Variants in ZNF90 observed in about 807,000 individuals in gnomAD.
ZNF90 encodes the protein zinc finger protein 90, also known as zinc finger protein HTF9.
ZNF90 carries 11 observed loss-of-function variants against 12.0 expected under a neutral mutation model. That is an observed-to-expected ratio of 0.92 (90% CI 0.58 to 1.52). ZNF90 has a LOEUF of 1.52. Among genes scored for constraint, ZNF90 ranks in the 40% most tolerant of loss-of-function variants. ZNF90 has a pLI of 0.00. For synonymous variants in ZNF90, 232 were observed against 240.1 expected (o/e 0.97, Z 0.31); for missense variants, 765 against 711.5 (o/e 1.08, Z -0.86).
Position 20,078,062 on chromosome 19 carries a change from C to T in ZNF90, c.-71C>T, listed in dbSNP as rs2088790526. On this transcript the variant is annotated 5_prime_UTR_variant, in exon 1 of 4. Coordinates refer to ENST00000418063, the MANE Select transcript of ZNF90 (RefSeq NM_007138.2). Reference sequence around the variant, plus strand: ...TCTTAGCTGCTTCGTGTCTTCTTCTCCAGCCTCTGTGGCCCTGTGACCTGC... The same window carrying T: ...TCTTAGCTGCTTCGTGTCTTCTTCTTCAGCCTCTGTGGCCCTGTGACCTGC... The T allele has an allele frequency of 6.2e-7, 1 of 1,607,464 alleles. No homozygotes were observed. The highest frequency in any genetic ancestry group is 8.5e-7 in the Non-Finnish European group (1 of 1,173,988).
Position 20,078,138 on chromosome 19 carries a change from G to C in ZNF90, c.3+3G>C. 6.2e-7 allele frequency: 1 copy of C among 1,614,172 alleles called. No individual in the cohort carries two copies. The highest frequency in any genetic ancestry group is 8.5e-7 in the Non-Finnish European group (1 of 1,180,032). On this transcript the variant is annotated splice_donor_region_variant and intron_variant, in intron 1 of 3. Transcript: ENST00000418063. Reference sequence around the variant, plus strand: ...GGACCCCCGGAAGCCTAGAAATGGTGAGAGTGCCTTTCCAGCATTCCGAGA... The same window carrying C: ...GGACCCCCGGAAGCCTAGAAATGGTCAGAGTGCCTTTCCAGCATTCCGAGA...
chr19:20,093,900 G>A (rs1555703003), intron 1 of ZNF90, among the ~76,000 whole-genome samples: 1 of 152,208 alleles, frequency 6.6e-6, no homozygotes, highest in African/African-American at 2.4e-5. Flanking sequence ...GCTAAGCCAA[G>A]CAGATCTGGG....
At chr19:20,081,919 TACCC>T (rs2088823140) in intron 1 of ZNF90, among the ~76,000 whole-genome samples, 1 of 151,856 alleles carries the variant, frequency 6.6e-6, no homozygotes. Flanking sequence ...CACGTGCCAC[TACCC>T]CCGGCTAATT....
chr19:20,105,285 G>A lies in ZNF90; in HGVS notation c.195G>A (p.Val65=). 8 of 1,607,736 alleles carry A rather than the reference G, an allele frequency of 5.0e-6. No individual in the cohort carries two copies. The highest frequency in any genetic ancestry group is 6.8e-6 in the Non-Finnish European group (8 of 1,176,448). ...CLEQGKKPFT[V]KRHEMIAKSP... is the part of the protein sequence containing the mutation. ...AGCAAGGAAAAAAACCCTTCACTGT[G>A]AAGAGACATGAGATGATTGCCAAAT... Residue 65 remains valine (V), a synonymous_variant, in exon 3 of 4, where the codon GTG becomes GTA. Coordinates refer to ENST00000418063, the MANE Select transcript of ZNF90 (RefSeq NM_007138.2).
At chr19:20,095,393 C>T (rs1043756864) in intron 1 of ZNF90, among the ~76,000 whole-genome samples, 4 of 151,854 alleles carry the variant, frequency 2.6e-5, no homozygotes, top group Non-Finnish European at 5.9e-5. Context: ...GGTTTTAGGT[C>T]AGGTGTGAGT....
intron 1 of ZNF90, among the ~76,000 whole-genome samples, chr19:20,096,367 C>G (rs1000247839): frequency 4.6e-5 from 7 of 152,166 alleles, no homozygotes; most frequent in Non-Finnish European, 7.3e-5. Flanking sequence ...GACCACCAAA[C>G]AGGCTTTGTG....
Position 20,101,059 on chromosome 19 carries a change from G to A in ZNF90, c.4-3180G>A, listed in dbSNP as rs148136556. ...TTCTGGTCTGTTTGTTACGGCTCCA[G>A]CTGAGCTTTCACTTGCCGTCGACCA... On this transcript the variant is annotated intron_variant, in intron 1 of 3. Transcript: ENST00000418063. 2.8e-4 allele frequency among the ~76,000 whole-genome samples: 42 copies of A among 152,168 alleles called. No individual in the cohort carries two copies. In the East Asian group the frequency reaches 7.9e-3, roughly 29 times the overall value.
chr19:20,113,002 T>C (rs2089103145), intron 3 of ZNF90, among the ~76,000 whole-genome samples: 1 of 152,182 alleles, frequency 6.6e-6, no homozygotes, highest in African/African-American at 2.4e-5. Context: ...TATAATTGTA[T>C]ATGACAATAT....
intron 3 of ZNF90, among the ~76,000 whole-genome samples, chr19:20,116,936 C>A (rs926981907): frequency 2.1e-5 from 3 of 144,822 alleles, no homozygotes; most frequent in Non-Finnish European, 4.5e-5. Flanking sequence ...CTAAGAAGCA[C>A]ATAGAAGCCA....
Position 20,083,773 on chromosome 19 carries a change from G to A in ZNF90, c.3+5638G>A, listed in dbSNP as rs573080241. Among the ~76,000 whole-genome samples, 227 of 152,312 alleles carry A rather than the reference G, an allele frequency of 1.5e-3. 1 individual carries two copies. The highest frequency in any genetic ancestry group is 5.0e-3 in the African/African-American group (207 of 41,566). On this transcript the variant is annotated intron_variant, in intron 1 of 3. Transcript: ENST00000418063. ...ACTAAATCTTTTATTTTTGGAGACAGGGTCTTACTTATTGTTCAGGCTAGA... is the reference window on the plus strand; with the variant it reads ...ACTAAATCTTTTATTTTTGGAGACAAGGTCTTACTTATTGTTCAGGCTAGA...
At chr19:20,112,015 T>C (rs1191770644) in intron 3 of ZNF90, among the ~76,000 whole-genome samples, 2 of 151,884 alleles carry the variant, frequency 1.3e-5, no homozygotes, top group African/African-American at 4.8e-5. Flanking sequence ...TGCACCACCA[T>C]GCCCGCCTAA....
intron 1 of ZNF90, among the ~76,000 whole-genome samples, chr19:20,102,294 T>A (rs2088995765): frequency 6.6e-6 from 1 of 152,180 alleles, no homozygotes; most frequent in Non-Finnish European, 1.5e-5. Context: ...TCATCCCTAG[T>A]CACCTGCTCT....
At position 20,098,923 on chromosome 19, in the gene ZNF90, A is replaced by G. The variant is rs112685879; in HGVS notation, c.4-5316A>G. Among the ~76,000 whole-genome samples, 613 of 152,348 alleles carry G rather than the reference A, an allele frequency of 4.0e-3. 6 individuals are homozygous for G. Among genetic ancestry groups the G allele is most frequent in the African/African-American group, 0.014 (587 of 41,566 alleles). On this transcript the variant is annotated intron_variant, in intron 1 of 3. Transcript: ENST00000418063. ...GATAAACACGGAGATCTGGAGACCC[A>G]AATAGATAAGCTAGTTGCTTCCATT...
At chr19:20,089,691 G>C (rs1174945028) in intron 1 of ZNF90, among the ~76,000 whole-genome samples, 3 of 152,246 alleles carry the variant, frequency 2.0e-5, no homozygotes, top group African/African-American at 7.2e-5. Context: ...GAAATGTCTG[G>C]GGAAGTCTTG....
Position 20,104,106 on chromosome 19 carries a change from T to C in ZNF90, c.4-133T>C, listed in dbSNP as rs529978696. 3.8e-5 allele frequency: 50 copies of C among 1,330,464 alleles called. 1 individual carries two copies. The African/African-American group carries it at 5.2e-4, about 14-fold the overall frequency. 82.4% of individuals were successfully genotyped at this position (1,330,464 alleles called of 1,614,324 possible). Reference sequence around the variant, plus strand: ...AATATTTTTGTGTTGGAAATTGTTTTATTGGATAATTTAGTGAGTCTTGTA... The same window carrying C: ...AATATTTTTGTGTTGGAAATTGTTTCATTGGATAATTTAGTGAGTCTTGTA... On this transcript the variant is annotated intron_variant, in intron 1 of 3. Transcript: ENST00000418063.
chr19:20,115,550 T>A (rs1169279010), intron 3 of ZNF90, among the ~76,000 whole-genome samples: 1 of 151,744 alleles, frequency 6.6e-6, no homozygotes, highest in Non-Finnish European at 1.5e-5. Context: ...TATTTGAATG[T>A]GGTAAAAAAA....
intron 1 of ZNF90, among the ~76,000 whole-genome samples, chr19:20,081,145 C>G (rs984433844): frequency 6.6e-6 from 1 of 152,186 alleles, no homozygotes; most frequent in African/African-American, 2.4e-5. Flanking sequence ...CGTGCCCATA[C>G]TCCTCCCAGG....
intron 1 of ZNF90, among the ~76,000 whole-genome samples, chr19:20,095,261 C>T (rs1379133008): frequency 2.1e-4 from 32 of 152,000 alleles, no homozygotes; most frequent in Admixed American, 5.2e-4. Context: ...GCCCATTTTT[C>T]GACAAAAATT....
At chr19:20,114,990 T>C (rs995349006) in intron 3 of ZNF90, among the ~76,000 whole-genome samples, 13 of 152,196 alleles carry the variant, frequency 8.5e-5, no homozygotes, top group African/African-American at 3.1e-4. Context: ...CACACATGGA[T>C]AAACAAATTT....
Sources: gnomAD v4.1 joint callset for allele counts (sites outside exome capture counted in the v4.1 genomes callset) on GRCh38, gnomAD v4.1.1 for gene constraint, MANE v1.5 for transcripts, NCBI Gene and HGNC (gene_info 2026-07-23, HGNC 2026-07-21) for gene names.